FUT9: variants seen among roughly 807,000 people sequenced by gnomAD.
FUT9 encodes the protein fucosyltransferase 9, also known as 4-galactosyl-N-acetylglucosaminide 3-alpha-L-fucosyltransferase 9.
FUT9 carries 15 observed loss-of-function variants against 29.7 expected under a neutral mutation model. The ratio of observed to expected loss-of-function variants is 0.51; its 90% CI spans 0.34 to 0.78. The LOEUF (loss-of-function observed/expected upper bound fraction) is 0.78, where lower values mean the gene tolerates loss of function less well. Among genes scored for constraint, FUT9 ranks in the 30% least tolerant of loss-of-function variants. FUT9 has a pLI of 0.01. For missense variants in FUT9, 319 were observed against 425.4 expected (o/e 0.75, Z 2.20); for synonymous variants, 169 against 153.7 (o/e 1.10, Z -0.74).
intron 2 of FUT9, among the ~76,000 whole-genome samples, chr6:96,172,680 A>C (rs1773134477): frequency 6.6e-6 from 1 of 152,160 alleles, no homozygotes; most frequent in South Asian, 2.1e-4. Context: ...CAAACACTAA[A>C]AGTTTAAGGC....
At chr6:96,189,360 T>C (rs1206840557) in intron 2 of FUT9, among the ~76,000 whole-genome samples, 1 of 30,558 alleles carries the variant, frequency 3.3e-5, no homozygotes, top group Non-Finnish European at 1.7e-4. Flanking sequence ...ATGAAGACTT[T>C]TAACATTTTT....
At chr6:96,066,443 A>G (rs1770963370) in intron 1 of FUT9, among the ~76,000 whole-genome samples, 1 of 152,106 alleles carries the variant, frequency 6.6e-6, no homozygotes, top group Non-Finnish European at 1.5e-5. Context: ...CCTCTGTGAC[A>G]GATGTGGCTT....
At chr6:96,031,996 T>G (rs972044102) in intron 1 of FUT9, among the ~76,000 whole-genome samples, 1 of 151,566 alleles carries the variant, frequency 6.6e-6, no homozygotes, top group Non-Finnish European at 1.5e-5. Context: ...CCTTTAAATA[T>G]TCTAAACTTG....
intron 1 of FUT9, among the ~76,000 whole-genome samples, chr6:96,053,931 A>C (rs7739988): frequency 1.7e-4 from 26 of 151,942 alleles, no homozygotes; most frequent in Admixed American, 3.3e-4. Flanking sequence ...ATTTGTGAAC[A>C]TAATACTATA....
At chr6:96,080,303 C>G (rs547660202) in intron 1 of FUT9, among the ~76,000 whole-genome samples, 1 of 151,884 alleles carries the variant, frequency 6.6e-6, no homozygotes, top group South Asian at 2.1e-4. Flanking sequence ...CTATAAATAA[C>G]TTCTTTAATA....
At chr6:96,089,751 T>C (rs1386601482) in intron 1 of FUT9, among the ~76,000 whole-genome samples, 4 of 152,134 alleles carry the variant, frequency 2.6e-5, no homozygotes, top group Non-Finnish European at 4.4e-5. Context: ...AACCAGGCTA[T>C]GAGTGGAGAA....
intron 2 of FUT9, among the ~76,000 whole-genome samples, chr6:96,149,909 G>A (rs1025147685): frequency 6.6e-6 from 1 of 151,798 alleles, no homozygotes; most frequent in Non-Finnish European, 1.5e-5. Flanking sequence ...GTTAACTATA[G>A]TCACCCTATT....
intron 2 of FUT9, among the ~76,000 whole-genome samples, chr6:96,159,988 A>G (rs991059509): frequency 2.0e-5 from 3 of 152,330 alleles, no homozygotes; most frequent in Middle Eastern, 6.8e-3. Flanking sequence ...AATTTATATT[A>G]TCAACGAAAC....
chr6:96,048,721 C>T (rs1199579820), intron 1 of FUT9, among the ~76,000 whole-genome samples: 3 of 152,142 alleles, frequency 2.0e-5, no homozygotes, highest in Non-Finnish European at 4.4e-5. Flanking sequence ...TTAGCATGTG[C>T]TCACTGATTC....
intron 1 of FUT9, among the ~76,000 whole-genome samples, chr6:96,028,452 T>C (rs1215764522): frequency 6.6e-6 from 1 of 151,664 alleles, no homozygotes; most frequent in Non-Finnish European, 1.5e-5. Context: ...ACTATTTAGC[T>C]GAGAGATTAA....
chr6:96,096,684 A>ATGTGTGCGTGTGTG (rs1771501049), intron 1 of FUT9, among the ~76,000 whole-genome samples: 3 of 140,766 alleles, frequency 2.1e-5, no homozygotes, highest in South Asian at 4.7e-4. Flanking sequence ...TGTCTAAGGC[A>ATGTGTGCGTGTGTG]TGTGTGTGTG....
chr6:96,047,300 G>A lies in FUT9; in HGVS notation c.-98+31088G>A, dbSNP rs117211798. Among the ~76,000 whole-genome samples, 383 of 152,256 alleles carry A rather than the reference G, an allele frequency of 2.5e-3. 4 individuals are homozygous for A. The East Asian group carries it at 0.041, about 16-fold the overall frequency. ...CTCTCAGGCCTCTCTCAGAAGCCAC[G>A]AAAATAGCTATATTTAAGCTTCATT... On this transcript the variant is annotated intron_variant, in intron 1 of 2. Coordinates refer to ENST00000302103, the MANE Select transcript of FUT9 (RefSeq NM_006581.4).
chr6:96,066,018 G>A (rs1770955961), intron 1 of FUT9, among the ~76,000 whole-genome samples: 1 of 152,154 alleles, frequency 6.6e-6, no homozygotes, highest in Non-Finnish European at 1.5e-5. Context: ...TCTTTTCCTA[G>A]CTAATCTATG....
rs147156695 is a variant in FUT9, at chr6:96,169,194, A to C, written c.-8-33954A>C. 3.1e-3 allele frequency among the ~76,000 whole-genome samples: 469 copies of C among 152,354 alleles called. 1 individual carries two copies. The highest frequency in any genetic ancestry group is 1.0e-2 in the African/African-American group (415 of 41,592). ...TAACTAATCTGCTGATGGGCAATTT[A>C]ATATTGCCTACAGAAATTCTGATGA... is the stretch of plus-strand genomic sequence containing the variant. On this transcript the variant is annotated intron_variant, in intron 2 of 2. Coordinates refer to ENST00000302103, the MANE Select transcript of FUT9 (RefSeq NM_006581.4).
chr6:96,055,744 C>T (rs556689622), intron 1 of FUT9, among the ~76,000 whole-genome samples: 266 of 141,690 alleles, frequency 1.9e-3, no homozygotes, highest in African/African-American at 6.5e-3. Flanking sequence ...AGGGTTCTGC[C>T]ATGTTGGCCA....
At chr6:96,192,179 C>A (rs1698463052) in intron 2 of FUT9, among the ~76,000 whole-genome samples, 1 of 152,130 alleles carries the variant, frequency 6.6e-6, no homozygotes, top group African/African-American at 2.4e-5. Context: ...TCCTATTCAA[C>A]ATAGTGTTAG....
intron 2 of FUT9, among the ~76,000 whole-genome samples, chr6:96,201,350 G>T (rs1303738430): frequency 6.6e-6 from 1 of 151,694 alleles, no homozygotes; most frequent in Non-Finnish European, 1.5e-5. Context: ...ACAATTATTT[G>T]CTATTTTTGG....
At chr6:96,186,808 G>A (rs963586519) in intron 2 of FUT9, among the ~76,000 whole-genome samples, 1 of 152,132 alleles carries the variant, frequency 6.6e-6, no homozygotes. Context: ...CAGGCAGACA[G>A]CAAGTTCAGC....
intron 2 of FUT9, among the ~76,000 whole-genome samples, chr6:96,176,687 T>C (rs1378457772): frequency 1.3e-5 from 2 of 152,154 alleles, no homozygotes; most frequent in South Asian, 2.1e-4. Context: ...AGAGGCATCT[T>C]CTCATCTGCT....
Sources: allele counts gnomAD v4.1 joint callset (sites outside exome capture counted in the v4.1 genomes callset), GRCh38; gene constraint gnomAD v4.1.1; transcripts MANE v1.5; gene names NCBI Gene and HGNC (gene_info 2026-07-23, HGNC 2026-07-21).